RARB: variants seen among roughly 807,000 people sequenced by gnomAD.
RARB encodes HBV-activated protein.
A neutral mutation model predicts 51.9 loss-of-function variants in RARB; 17 were observed. That is an observed-to-expected ratio of 0.33 (90% CI 0.22 to 0.49). The LOEUF is 0.49. Ranked by LOEUF, RARB falls within the 20% of genes least tolerant of loss-of-function variation. The pLI, the probability that RARB is intolerant of heterozygous loss-of-function variation, is 0.99. For synonymous variants in RARB, 215 were observed against 195.4 expected (o/e 1.10, Z -0.84); for missense variants, 369 against 550.8 (o/e 0.67, Z 3.30).
At chr3:24,830,420 C>CGT (rs59434163) in intron 1 of RARB, among the ~76,000 whole-genome samples, 99 of 121,514 alleles carry the variant, frequency 8.1e-4, no homozygotes, top group Middle Eastern at 8.3e-3. Flanking sequence ...TGACAGAAGA[C>CGT]GTGTGTGTGT....
chr3:25,259,839 A>T lies in RARB; in HGVS notation c.178+85264A>T, dbSNP rs184258675. 4.5e-5 allele frequency: 40 copies of T among 882,798 alleles called. 1 individual carries two copies. In the African/African-American group the frequency reaches 4.5e-4, roughly 10 times the overall value. The allele number at this position is 882,798 out of a possible 1,614,324, so 54.7% of individuals were successfully genotyped here. ...CCTCAGTAAAGTCAGAGCTCTTGGTATCTGTCATTGCTTCCCAAATAAGTC... is the reference window on the plus strand; with the variant it reads ...CCTCAGTAAAGTCAGAGCTCTTGGTTTCTGTCATTGCTTCCCAAATAAGTC... On this transcript the variant is annotated intron_variant, in intron 5 of 11. Transcript: ENST00000383772.
rs780235367 is a variant in RARB, at chr3:25,547,593, C to G, written c.449-22165C>G. On this transcript the variant is annotated intron_variant, in intron 3 of 7. Transcript: ENST00000330688. ...AGCAGGATGAGTTCAGTGGGTTACC[C>G]TTTGATGTCATAAGTCATCCTTCTC... Among the ~76,000 whole-genome samples, 75 of 152,324 alleles carry G rather than the reference C, an allele frequency of 4.9e-4. 2 individuals carry two copies. Among genetic ancestry groups the G allele is most frequent in the Admixed American group, 3.7e-3 (56 of 15,300 alleles).
intron 3 of RARB, among the ~76,000 whole-genome samples, chr3:25,106,449 TTG>T (rs140554840): frequency 0.048 from 1,608 of 33,712 alleles, 74 homozygotes; most frequent in East Asian, 0.13. Flanking sequence ...CTACTGTTTT[TTG>T]TTTTTTGTTT....
chr3:25,321,811 G>A (rs1362723309), intron 5 of RARB, among the ~76,000 whole-genome samples: 1 of 151,630 alleles, frequency 6.6e-6, no homozygotes, highest in Admixed American at 6.6e-5. Flanking sequence ...TCAGTGTTGT[G>A]AAGTTGTAAC....
At chr3:25,143,957 T>C (rs9310772) in intron 4 of RARB, among the ~76,000 whole-genome samples, 120,936 of 152,054 alleles carry the variant, frequency 0.8, 48,238 homozygotes, top group Admixed American at 0.84. Flanking sequence ...CAGCTCTAAG[T>C]GGGAGAAATC....
At chr3:24,923,177 A>T (rs1695253769) in intron 2 of RARB, among the ~76,000 whole-genome samples, 1 of 152,178 alleles carries the variant, frequency 6.6e-6, no homozygotes, top group Non-Finnish European at 1.5e-5. Context: ...AAACTGAACT[A>T]AGATCAGAAA....
chr3:25,222,694 C>G (rs1701973446), intron 5 of RARB, among the ~76,000 whole-genome samples: 1 of 152,180 alleles, frequency 6.6e-6, no homozygotes, highest in African/African-American at 2.4e-5. Flanking sequence ...TTCTAATATT[C>G]TAATTTTTTA....
At chr3:25,511,208 C>T (rs1697877038) in intron 3 of RARB, among the ~76,000 whole-genome samples, 1 of 152,098 alleles carries the variant, frequency 6.6e-6, no homozygotes, top group Admixed American at 6.5e-5. Flanking sequence ...TCTCGGCTCA[C>T]TGCAAGCTCC....
chr3:25,460,425 A>ATTTTTT (rs1345182253), intron 1 of RARB, among the ~76,000 whole-genome samples: 6 of 102,838 alleles, frequency 5.8e-5, no homozygotes, highest in African/African-American at 2.6e-4. Context: ...AAAATTTTAA[A>ATTTTTT]ATTTTTATTT....
intron 5 of RARB, among the ~76,000 whole-genome samples, chr3:25,278,592 A>G (rs1258387773): frequency 2.0e-5 from 3 of 152,206 alleles, no homozygotes; most frequent in Non-Finnish European, 2.9e-5. Context: ...AGCTGTATCA[A>G]TTGATTTATG....
chr3:25,041,623 G>GT (rs1553626201), intron 2 of RARB, among the ~76,000 whole-genome samples: 13 of 150,480 alleles, frequency 8.6e-5, no homozygotes, highest in South Asian at 8.5e-4. Context: ...AGCTAAGAAT[G>GT]TTTTTTTTTA....
intron 5 of RARB, among the ~76,000 whole-genome samples, chr3:25,311,640 A>C (rs1704292984): frequency 6.6e-6 from 1 of 152,232 alleles, no homozygotes; most frequent in Admixed American, 6.5e-5. Flanking sequence ...AAGCAGGGTG[A>C]GGTTTATGCC....
At position 25,518,966 on chromosome 3, in the gene RARB, G is replaced by GT. The variant is rs1698289783; in HGVS notation, c.448+17644dup. The stretch of plus-strand genomic sequence containing the variant: ...GATTTGGGTGGTGGTTATAATTAAG[G>GT]TAAACTCTTCCAATATCTGTCACCA... On this transcript the variant is annotated intron_variant, in intron 3 of 7. Coordinates refer to ENST00000330688, the MANE Select transcript of RARB (RefSeq NM_000965.5). 3.9e-5 allele frequency among the ~76,000 whole-genome samples: 6 copies of GT among 152,214 alleles called. No individual in the cohort carries two copies. The South Asian group carries it at 1.2e-3, about 32-fold the overall frequency.
intron 3 of RARB, among the ~76,000 whole-genome samples, chr3:25,122,490 C>T (rs1156845862): frequency 6.6e-6 from 1 of 152,172 alleles, no homozygotes; most frequent in Non-Finnish European, 1.5e-5. Flanking sequence ...AAGCTCTGCT[C>T]TGGGACATTC....
chr3:24,963,303 C>T (rs937268), intron 2 of RARB, among the ~76,000 whole-genome samples: 2,232 of 151,606 alleles, frequency 0.015, 63 homozygotes, highest in African/African-American at 0.051. Flanking sequence ...GATATAAATG[C>T]CAGTGAGTTC....
At position 24,952,880 on chromosome 3, in the gene RARB, TTTTG is replaced by T. The variant is rs941320236; in HGVS notation, c.-380+94140_-380+94143del. Among the ~76,000 whole-genome samples the T allele has an allele frequency of 2.5e-4, 37 of 150,040 alleles. 1 individual carries two copies. The highest frequency in any genetic ancestry group is 1.5e-3 in the Admixed American group (22 of 15,052). On this transcript the variant is annotated intron_variant, in intron 2 of 11. Transcript: ENST00000383772. ...CCCCCAACAGTAAAACTGGTATTTT[TTTTG>T]TTTGTTTGTTTTGTTTTGTTTTTTC...
intron 3 of RARB, among the ~76,000 whole-genome samples, chr3:25,565,409 G>A (rs1700453422): frequency 6.6e-6 from 1 of 151,962 alleles, no homozygotes; most frequent in South Asian, 2.1e-4. Flanking sequence ...TATATTAATT[G>A]CAGTACATGT....
intron 3 of RARB, among the ~76,000 whole-genome samples, chr3:25,066,912 A>G (rs1698675220): frequency 6.6e-6 from 1 of 152,172 alleles, no homozygotes; most frequent in African/African-American, 2.4e-5. Context: ...CTGAAGCAGA[A>G]TGACCCAGCC....
intron 3 of RARB, among the ~76,000 whole-genome samples, chr3:25,536,648 T>A (rs183610970): frequency 1.4e-3 from 212 of 152,266 alleles, no homozygotes; most frequent in Non-Finnish European, 2.4e-3. Context: ...TATGGGGGGA[T>A]TCGTTTGTTA....
Sources: gnomAD v4.1 joint callset for allele counts (sites outside exome capture counted in the v4.1 genomes callset) on GRCh38, gnomAD v4.1.1 for gene constraint, MANE v1.5 for transcripts, NCBI Gene and HGNC (gene_info 2026-07-23, HGNC 2026-07-21) for gene names.